The following SPPL3 variants were observed in gnomAD, a reference collection of about 807,000 sequenced individuals.
SPPL3 encodes the protein signal peptide peptidase-like 3.
In SPPL3, 5 loss-of-function variants were observed where a neutral mutation model predicts 42.4. The observed-to-expected ratio is 0.12, with a 90% CI of 0.06 to 0.25. The LOEUF is 0.25. Among genes scored for constraint, SPPL3 ranks in the 10% least tolerant of loss-of-function variants. The pLI is 1.00. For synonymous variants in SPPL3, 195 were observed against 181.8 expected, an observed-to-expected ratio of 1.07 and a Z score of -0.58; for missense variants, 235 against 489.0, an observed-to-expected ratio of 0.48 and a Z score of 4.90.
chr12:120,858,329 G>A (rs377077034), intron 1 of SPPL3, among the ~76,000 whole-genome samples: 17 of 152,064 alleles, frequency 1.1e-4, no homozygotes, highest in East Asian at 3.9e-4. Flanking sequence ...GTGTGATGGC[G>A]GGCGCCTGTA....
At position 120,852,779 on chromosome 12, in the gene SPPL3, A is replaced by T. The variant is rs1249745926; in HGVS notation, c.24-41893T>A. On this transcript the variant is annotated intron_variant, in intron 1 of 10. Transcript: ENST00000353487. The stretch of plus-strand genomic sequence containing the variant: ...TTATATCTATGTATATTATATATAA[A>T]ATATATTTCATATATCATATATACA... Among the ~76,000 whole-genome samples the T allele has an allele frequency of 4.2e-3, 261 of 62,176 alleles. 40 individuals carry two copies. The highest frequency in any genetic ancestry group is 5.7e-3 in the Non-Finnish European group (174 of 30,790). 40.8% of individuals were successfully genotyped at this position (62,176 alleles called of 152,430 possible). A position where few individuals can be genotyped will look rare whatever the true frequency, so the allele number is the denominator to read the frequency against.
chr12:120,865,767 CCCCCAGG>C (rs1872737919), intron 1 of SPPL3, among the ~76,000 whole-genome samples: 4 of 152,190 alleles, frequency 2.6e-5, no homozygotes, highest in Non-Finnish European at 4.4e-5. Context: ...GGGTCTCCAA[CCCCCAGG>C]CCACAGACTG....
At chr12:120,874,452 CAAAA>C (rs71076673) in intron 1 of SPPL3, among the ~76,000 whole-genome samples, 21 of 97,402 alleles carry the variant, frequency 2.2e-4, no homozygotes, top group Admixed American at 4.3e-4. Context: ...GACCCTGTCG[CAAAA>C]AAAAAAAAAA....
chr12:120,821,345 G>A (rs938829208), intron 1 of SPPL3, among the ~76,000 whole-genome samples: 2 of 152,172 alleles, frequency 1.3e-5, no homozygotes, highest in African/African-American at 2.4e-5. Flanking sequence ...TGTGACTTGC[G>A]CACACAACCA....
At chr12:120,825,734 A>C (rs368559258) in intron 1 of SPPL3, among the ~76,000 whole-genome samples, 2 of 152,230 alleles carry the variant, frequency 1.3e-5, no homozygotes, top group African/African-American at 4.8e-5. Context: ...AGTAAAAATC[A>C]TAAGAGTCTA....
At chr12:120,783,228 ATT>A (rs1464616102) in intron 5 of SPPL3, among the ~76,000 whole-genome samples, 1 of 152,218 alleles carries the variant, frequency 6.6e-6, no homozygotes, top group African/African-American at 2.4e-5. Flanking sequence ...TTAGCACAGA[ATT>A]TTGTTTCCGT....
At chr12:120,798,671 T>G (rs1870190026) in intron 2 of SPPL3, among the ~76,000 whole-genome samples, 1 of 152,110 alleles carries the variant, frequency 6.6e-6, no homozygotes, top group African/African-American at 2.4e-5. Flanking sequence ...TTAAATTGAG[T>G]TTTTCAAATT....
chr12:120,872,271 T>C (rs1028978048), intron 1 of SPPL3, among the ~76,000 whole-genome samples: 10 of 152,198 alleles, frequency 6.6e-5, no homozygotes, highest in Admixed American at 3.3e-4. Context: ...GAACATGAAG[T>C]TGTAACTGCT....
At chr12:120,790,731 C>T (rs1450616113) in intron 3 of SPPL3, among the ~76,000 whole-genome samples, 1 of 152,064 alleles carries the variant, frequency 6.6e-6, no homozygotes, top group South Asian at 2.1e-4. Flanking sequence ...GCTCTATGTT[C>T]AGAGGGATTC....
At chr12:120,886,062 C>T (rs927337261) in intron 1 of SPPL3, among the ~76,000 whole-genome samples, 2 of 151,562 alleles carry the variant, frequency 1.3e-5, no homozygotes, top group East Asian at 1.9e-4. Context: ...AGGCTGGTCT[C>T]GAACTCATGA....
chr12:120,781,549 T>G, intron 6 of SPPL3, among the ~76,000 whole-genome samples: 1 of 142,268 alleles, frequency 7.0e-6, no homozygotes, highest in Non-Finnish European at 1.5e-5. Flanking sequence ...ATCTCCTTAT[T>G]GTTACGTTTT....
intron 2 of SPPL3, among the ~76,000 whole-genome samples, chr12:120,808,753 A>G (rs1390343261): frequency 6.6e-6 from 1 of 152,244 alleles, no homozygotes; most frequent in African/African-American, 2.4e-5. Context: ...ATCAGAATAT[A>G]AATGATTTCA....
At chr12:120,784,388 A>G in intron 4 of SPPL3, 86 bp downstream of exon 4, 1 of 1,350,594 alleles carries the variant, frequency 7.4e-7, no homozygotes, top group Non-Finnish European at 1.0e-6. Context: ...ATGACATGGT[A>G]TATAAATCTT....
Position 120,904,044 on chromosome 12 carries a change from G to C in SPPL3, c.-177C>G. The C allele has an allele frequency of 2.4e-6, 1 of 421,344 alleles. No homozygotes were observed. Among genetic ancestry groups the C allele is most frequent in the Non-Finnish European group, 3.8e-6 (1 of 261,504 alleles). The allele number at this position is 421,344 out of a possible 1,614,324, so 26.1% of individuals were successfully genotyped here. A position where few individuals can be genotyped will look rare whatever the true frequency, so the allele number is the denominator to read the frequency against. ...GGCTGGCGGGGAGAGGCCGGGCTCCGAAGCGGCCCCGCTCCCTGGGCCCCG... is the reference window on the plus strand; with the variant it reads ...GGCTGGCGGGGAGAGGCCGGGCTCCCAAGCGGCCCCGCTCCCTGGGCCCCG... On this transcript the variant is annotated 5_prime_UTR_variant, in exon 1 of 11. Coordinates refer to ENST00000353487, the MANE Select transcript of SPPL3 (RefSeq NM_139015.5).
At chr12:120,804,349 A>G (rs1870421188) in intron 2 of SPPL3, among the ~76,000 whole-genome samples, 2 of 152,196 alleles carry the variant, frequency 1.3e-5, no homozygotes, top group African/African-American at 4.8e-5. Flanking sequence ...AGAGGCACTT[A>G]TAACAAAAAC....
chr12:120,820,306 ATTTTTTTT>A (rs11374486), intron 1 of SPPL3, among the ~76,000 whole-genome samples: 9 of 100,998 alleles, frequency 8.9e-5, no homozygotes, highest in African/African-American at 2.1e-4. Flanking sequence ...CTTTCTCTAA[ATTTTTTTT>A]TTTTTTTTTT....
intron 6 of SPPL3, among the ~76,000 whole-genome samples, chr12:120,778,210 G>A (rs1869402706): frequency 7.6e-6 from 1 of 131,928 alleles, no homozygotes; most frequent in African/African-American, 2.9e-5. Context: ...TCCACCTCCT[G>A]GGTTGAAGCG....
intron 6 of SPPL3, among the ~76,000 whole-genome samples, chr12:120,774,225 G>T (rs879869559): frequency 2.6e-5 from 4 of 152,142 alleles, no homozygotes; most frequent in Admixed American, 2.6e-4. Context: ...TGCAGACCTT[G>T]CTCACACCTC....
intron 2 of SPPL3, among the ~76,000 whole-genome samples, chr12:120,793,835 A>T (rs1263251876): frequency 6.6e-6 from 1 of 152,256 alleles, no homozygotes; most frequent in Non-Finnish European, 1.5e-5. Context: ...TATGGTCTGC[A>T]TTAGTAAATA....
Sources: allele counts gnomAD v4.1 joint callset (sites outside exome capture counted in the v4.1 genomes callset), GRCh38; gene constraint gnomAD v4.1.1; transcripts MANE v1.5; gene names NCBI Gene and HGNC (gene_info 2026-07-23, HGNC 2026-07-21).